Variants in FAT3 observed in about 807,000 individuals in gnomAD.
FAT3 encodes protocadherin Fat 3.
Under a neutral mutation model 310.2 loss-of-function variants are expected in FAT3, and 95 were observed. The ratio of observed to expected loss-of-function variants is 0.31; its 90% CI spans 0.26 to 0.36. The LOEUF is 0.36. FAT3 is among the 10% of genes least tolerant of loss of function. The pLI, the probability that FAT3 is intolerant of heterozygous loss-of-function variation, is 1.00. For missense variants in FAT3, 5,408 were observed against 5,715.6 expected, an observed-to-expected ratio of 0.95 and a Z score of 1.74; for synonymous variants, 2,314 against 2,192.9, an observed-to-expected ratio of 1.06 and a Z score of -1.54.
chr11:92,634,475 T>A (rs149046729), intron 3 of FAT3, among the ~76,000 whole-genome samples: 4 of 152,338 alleles, frequency 2.6e-5, no homozygotes, highest in Non-Finnish European at 5.9e-5. Flanking sequence ...GTCCTCTCCA[T>A]CTTCACTCAG....
At chr11:92,792,656 G>A (rs1031241905) in intron 8 of FAT3, 111 bp from the exon 9 acceptor site, 10 of 1,001,728 alleles carry the variant, frequency 1.0e-5, no homozygotes, top group African/African-American at 1.6e-5. Context: ...CTGGAACTGG[G>A]TCAAGCACTT....
chr11:92,746,219 A>C (rs1945662788), intron 4 of FAT3, among the ~76,000 whole-genome samples: 1 of 152,234 alleles, frequency 6.6e-6, no homozygotes, highest in South Asian at 2.1e-4. Context: ...GTAATTTATA[A>C]AGGAAAGAGG....
rs1344533927 is a variant in FAT3 at position 92,895,937 on chromosome 11, C to CACACACACACACACACACAA, written c.*4827_*4828insCACACACACACACACAAACA. 6.6e-6 allele frequency: 1 copy of CACACACACACACACACACAA among 151,900 alleles called. No homozygotes were observed. Among genetic ancestry groups the CACACACACACACACACACAA allele is most frequent in the Non-Finnish European group, 1.5e-5 (1 of 67,982 alleles). The allele number at this position is 151,900 out of a possible 1,614,324, so 9.4% of individuals were successfully genotyped here. A position where few individuals can be genotyped will look rare whatever the true frequency, so the allele number is the denominator to read the frequency against. On this transcript the variant is annotated 3_prime_UTR_variant, in exon 28 of 28. Transcript: ENST00000525166. ...AGGTAACTACACACACACACACACACACAAGGATTTTAGATTTGAAAATGA... is the reference window on the plus strand; with the variant it reads ...AGGTAACTACACACACACACACACACACACACACACACACACACAAACAAGGATTTTAGATTTGAAAATGA...
In FAT3 at chr11:92,890,635, A is replaced by G. The variant is rs777525118; in HGVS notation, c.13292A>G (p.Tyr4431Cys). 1.2e-6 allele frequency: 2 copies of G among 1,613,794 alleles called. No homozygotes were observed. Among genetic ancestry groups the G allele is most frequent in the Non-Finnish European group, 1.7e-6 (2 of 1,179,870 alleles). The change falls in exon 28 of 28, where the codon TAT becomes TGT. Residue 4431 changes from tyrosine (Y) to cysteine (C), a missense_variant. Physicochemically the swap from Tyr to Cys is radical, Grantham distance 194. Around this residue, in one of 5 missense-constraint regions of FAT3, gnomAD observed 649 missense variants for 666.2 expected, o/e 0.97. Transcript: ENST00000525166. ...GAGAGCGATTACTACCTGGGTGGTT[A>G]TGACATTGACAGTGAATACCCACCC... is the stretch of plus-strand genomic sequence containing the variant. ...ELESDYYLGG[Y>C]DIDSEYPPPH...
chr11:92,592,099 G>A lies in FAT3; in HGVS notation c.3607+67151G>A, dbSNP rs534417714. ...TAATAAAACGAGAAACGATGAGGTGGGGGTGGTGGATGGAGTATATAGGAA... is the reference window on the plus strand; with the variant it reads ...TAATAAAACGAGAAACGATGAGGTGAGGGTGGTGGATGGAGTATATAGGAA... On this transcript the variant is annotated intron_variant, in intron 3 of 27. Transcript: ENST00000525166. Among the ~76,000 whole-genome samples the A allele has an allele frequency of 4.6e-5, 7 of 152,104 alleles. No homozygotes were observed. The South Asian group carries it at 1.0e-3, about 23-fold the overall frequency.
At chr11:92,543,376 A>T (rs1954514132) in intron 3 of FAT3, among the ~76,000 whole-genome samples, 1 of 152,178 alleles carries the variant, frequency 6.6e-6, no homozygotes, top group African/African-American at 2.4e-5. Context: ...TATGTGATAG[A>T]TATGCCAATT....
At chr11:92,810,109 A>C in intron 13 of FAT3, 33 bp downstream of exon 13, 1 of 1,588,056 alleles carries the variant, frequency 6.3e-7, no homozygotes, top group Non-Finnish European at 8.6e-7. Flanking sequence ...CCTGTCACAC[A>C]GTGGACACTT....
chr11:92,719,506 A>G (rs552993149), intron 4 of FAT3, among the ~76,000 whole-genome samples: 2 of 104,402 alleles, frequency 1.9e-5, no homozygotes, highest in African/African-American at 7.6e-5. Context: ...TGAAACCTGT[A>G]TTCTTTAAGT....
At chr11:92,599,596 A>C (rs1212271505) in intron 3 of FAT3, among the ~76,000 whole-genome samples, 1 of 152,206 alleles carries the variant, frequency 6.6e-6, no homozygotes, top group Admixed American at 6.5e-5. Flanking sequence ...ACCAACCCCC[A>C]TCATTATCCC....
At chr11:92,514,466 T>G (rs569713524) in intron 2 of FAT3, among the ~76,000 whole-genome samples, 46 of 152,284 alleles carry the variant, frequency 3.0e-4, no homozygotes, top group Middle Eastern at 6.8e-3. Context: ...CCTTGAGCAT[T>G]TCAGTGATAG....
At chr11:92,307,220 C>T (rs947406734) in intron 1 of FAT3, among the ~76,000 whole-genome samples, 7 of 148,958 alleles carry the variant, frequency 4.7e-5, no homozygotes, top group East Asian at 2.0e-4. Flanking sequence ...AATACTTTGC[C>T]TGAGGCAGTT....
chr11:92,750,987 C>T (rs149217201), intron 4 of FAT3, among the ~76,000 whole-genome samples: 52 of 152,300 alleles, frequency 3.4e-4, no homozygotes, highest in African/African-American at 8.4e-4. Context: ...GAATTGTTCA[C>T]GTTTCCTGTG....
intron 13 of FAT3, among the ~76,000 whole-genome samples, chr11:92,822,650 A>G (rs1947998981): frequency 6.6e-6 from 1 of 152,108 alleles, no homozygotes; most frequent in Non-Finnish European, 1.5e-5. Flanking sequence ...AACACTTTCC[A>G]CCCACGCATC....
At chr11:92,384,952 C>T (rs1949583761) in intron 2 of FAT3, among the ~76,000 whole-genome samples, 1 of 152,150 alleles carries the variant, frequency 6.6e-6, no homozygotes, top group Non-Finnish European at 1.5e-5. Context: ...AAATGTGGGT[C>T]AGTCATGTGA....
chr11:92,583,869 G>A (rs1024807802), intron 3 of FAT3, among the ~76,000 whole-genome samples: 14 of 146,712 alleles, frequency 9.5e-5, no homozygotes, highest in South Asian at 2.1e-4. Flanking sequence ...TTCACATAGC[G>A]TATTAAAACG....
At chr11:92,860,237 G>A (rs1184702178) in intron 21 of FAT3, among the ~76,000 whole-genome samples, 1 of 152,162 alleles carries the variant, frequency 6.6e-6, no homozygotes, top group Non-Finnish European at 1.5e-5. Context: ...TTTGTTTCAT[G>A]TTATCCCCAT....
intron 21 of FAT3, 139 bp from the exon 22 acceptor site, chr11:92,866,602 A>G (rs1220237259): frequency 8.1e-6 from 6 of 738,338 alleles, no homozygotes; most frequent in African/African-American, 3.5e-5. Context: ...TCAAACCACA[A>G]CAGATTTATG....
intron 3 of FAT3, among the ~76,000 whole-genome samples, chr11:92,613,523 T>C (rs1940665802): frequency 6.6e-6 from 1 of 152,206 alleles, no homozygotes; most frequent in African/African-American, 2.4e-5. Flanking sequence ...TAAGTATTTA[T>C]TTTTAAAATC....
Position 92,866,787 on chromosome 11 carries a change from C to T in FAT3, c.11705C>T (p.Pro3902Leu), listed in dbSNP as rs2136347381. Residue 3902 changes from proline to leucine, a missense_variant, in exon 22 of 28, where the codon CCT (proline) becomes CTT (leucine). Around this residue, in one of 5 missense-constraint regions of FAT3, gnomAD observed 4,588 missense variants for 4,809.8 expected, o/e 0.95. Coordinates refer to ENST00000525166, the MANE Select transcript of FAT3 (RefSeq NM_001367949.2). ...TTCCAGCTGGACTGCGGCAGCGGCC[C>T]TGGAATCTTGGGCATCTCGGGCCGT... ...LWFQLDCGSGPGILGISGRAV... is the reference protein window; with the variant it reads ...LWFQLDCGSGLGILGISGRAV... The T allele has an allele frequency of 6.2e-7, 1 of 1,613,848 alleles. No individual in the cohort carries two copies. Among genetic ancestry groups the T allele is most frequent in the Non-Finnish European group, 8.5e-7 (1 of 1,179,862 alleles).
Sources: gnomAD v4.1 joint callset for allele counts (sites outside exome capture counted in the v4.1 genomes callset) on GRCh38, gnomAD v4.1.1 for gene constraint, gnomAD v4.1.1 regional missense constraint, MANE v1.5 for transcripts, NCBI Gene and HGNC (gene_info 2026-07-23, HGNC 2026-07-21) for gene names.